MCCC2: variants seen among roughly 807,000 people sequenced by gnomAD.
The protein encoded by MCCC2 is methylcrotonoyl-CoA carboxylase beta chain, mitochondrial.
A neutral mutation model predicts 77.2 loss-of-function variants in MCCC2; 52 were observed. That is an observed-to-expected ratio of 0.67 (90% confidence interval 0.54 to 0.85). The LOEUF (loss-of-function observed/expected upper bound fraction) is 0.85, where lower values mean the gene tolerates loss of function less well. MCCC2 is among the 40% of genes least tolerant of loss of function. The pLI is 0.00. For missense variants in MCCC2, 682 were observed against 703.2 expected, an observed-to-expected ratio of 0.97 and a Z score of 0.34; for synonymous variants, 253 against 248.4, an observed-to-expected ratio of 1.02 and a Z score of -0.18.
chr5:71,646,611 C>T (rs553082423), intron 13 of MCCC2, among the ~76,000 whole-genome samples: 1 of 152,288 alleles, frequency 6.6e-6, no homozygotes, highest in South Asian at 2.1e-4. Context: ...AGCAATCTGC[C>T]CGCCTTGTTC....
intron 6 of MCCC2, among the ~76,000 whole-genome samples, chr5:71,618,465 C>A (rs1041479698): frequency 5.5e-5 from 7 of 127,812 alleles, no homozygotes; most frequent in Non-Finnish European, 9.4e-5. Context: ...TTTTTAAATT[C>A]TTTCTTTCTT....
chr5:71,629,634 G>T (rs1165168158), intron 7 of MCCC2, among the ~76,000 whole-genome samples: 3 of 152,080 alleles, frequency 2.0e-5, no homozygotes, highest in Non-Finnish European at 4.4e-5. Flanking sequence ...TCCCAAAAGA[G>T]GGTGTTAATT....
At position 71,596,273 on chromosome 5, in the gene MCCC2, A is replaced by G; in HGVS notation, c.197-7A>G. ...TCTAATCTAATCTAATCACATTTCT[A>G]TCATAGGAGGTGGTGAGAAAGCCCG... On this transcript the variant is annotated splice_region_variant and splice_polypyrimidine_tract_variant and intron_variant, in intron 2 of 16. Transcript: ENST00000340941. 6.2e-7 allele frequency: 1 copy of G among 1,612,464 alleles called. No homozygotes were observed. The highest frequency in any genetic ancestry group is 1.7e-5 in the Admixed American group (1 of 60,006).
At chr5:71,612,641 G>A (rs944465575) in intron 6 of MCCC2, among the ~76,000 whole-genome samples, 2 of 152,216 alleles carry the variant, frequency 1.3e-5, no homozygotes, top group Non-Finnish European at 2.9e-5. Flanking sequence ...ACAGGCCTGA[G>A]CCAACATGCT....
At chr5:71,618,495 T>TCCTTCTTTCCTTCCTG in intron 6 of MCCC2, among the ~76,000 whole-genome samples, 1 of 13,846 alleles carries the variant, frequency 7.2e-5, no homozygotes, top group African/African-American at 1.9e-4. Flanking sequence ...CCTTCTTCCT[T>TCCTTCTTTCCTTCCTG]CCTTCCTTCC....
At chr5:71,629,402 GTGGT>G (rs1746638099) in intron 7 of MCCC2, among the ~76,000 whole-genome samples, 1 of 152,126 alleles carries the variant, frequency 6.6e-6, no homozygotes, top group Non-Finnish European at 1.5e-5. Flanking sequence ...GAATTGGGTA[GTGGT>G]GATGGTTGCA....
intron 10 of MCCC2, among the ~76,000 whole-genome samples, chr5:71,640,565 A>G (rs890424812): frequency 6.6e-6 from 1 of 152,052 alleles, no homozygotes; most frequent in African/African-American, 2.4e-5. Context: ...TCCAGAAGTG[A>G]GAACTGAGAC....
rs277994 is a variant in MCCC2, at chr5:71,626,301, C to T, written c.625-339C>T. On this transcript the variant is annotated intron_variant, in intron 6 of 16. Coordinates refer to ENST00000340941, the MANE Select transcript of MCCC2 (RefSeq NM_022132.5). ...TATTATTATTATTAGACATAAAAGT[C>T]ATCCTTTTAATACAGTTTTGCAAAA... 0.34 allele frequency among the ~76,000 whole-genome samples: 52,231 copies of T among 151,958 alleles called. 10,049 individuals carry two copies. Among genetic ancestry groups the T allele is most frequent in the East Asian group, 0.53 (2,748 of 5,164 alleles).
At chr5:71,628,959 G>A (rs773006870) in intron 7 of MCCC2, among the ~76,000 whole-genome samples, 9 of 152,172 alleles carry the variant, frequency 5.9e-5, no homozygotes, top group South Asian at 2.1e-4. Flanking sequence ...TAATCCCAGC[G>A]CTTTGGGAGG....
chr5:71,653,850 CAA>C (rs33938603), intron 16 of MCCC2, among the ~76,000 whole-genome samples: 1,727 of 122,582 alleles, frequency 0.014, 17 homozygotes, highest in African/African-American at 0.039. Flanking sequence ...GGCCCTATCT[CAA>C]AAAAAAAAAA....
intron 6 of MCCC2, among the ~76,000 whole-genome samples, chr5:71,610,901 G>A (rs530386267): frequency 6.6e-6 from 1 of 152,282 alleles, no homozygotes; most frequent in African/African-American, 2.4e-5. Flanking sequence ...CAGGAGAAAT[G>A]CTTGAACCTG....
Position 71,658,621 on chromosome 5 carries a change from G to T in MCCC2, c.*1761G>T, listed in dbSNP as rs574005880. ...TCCATATTGTAATTGATGTCCTCTGGCCACATAGTTTTAAAATTAGGTGAT... is the reference window on the plus strand; with the variant it reads ...TCCATATTGTAATTGATGTCCTCTGTCCACATAGTTTTAAAATTAGGTGAT... On this transcript the variant is annotated 3_prime_UTR_variant, in exon 17 of 17. Transcript: ENST00000340941. The T allele has an allele frequency of 1.7e-4, 26 of 152,180 alleles. No homozygotes were observed. The highest frequency in any genetic ancestry group is 6.0e-4 in the African/African-American group (25 of 41,526). The allele number at this position is 152,180 out of a possible 1,614,324, so 9.4% of individuals were successfully genotyped here. A position where few individuals can be genotyped will look rare whatever the true frequency, so the allele number is the denominator to read the frequency against.
chr5:71,593,848 G>A (rs1008464352), intron 2 of MCCC2, among the ~76,000 whole-genome samples: 23 of 152,200 alleles, frequency 1.5e-4, no homozygotes, highest in African/African-American at 3.6e-4. Context: ...TTTACATTTA[G>A]GTTAGAGTAG....
intron 6 of MCCC2, among the ~76,000 whole-genome samples, chr5:71,614,449 T>G: frequency 6.6e-6 from 1 of 150,896 alleles, no homozygotes; most frequent in East Asian, 1.9e-4. Flanking sequence ...AGATCTAACG[T>G]GGCCAGCATA....
chr5:71,593,851 T>G (rs1206925091), intron 2 of MCCC2, among the ~76,000 whole-genome samples: 3 of 152,208 alleles, frequency 2.0e-5, no homozygotes, highest in Non-Finnish European at 4.4e-5. Context: ...ACATTTAGGT[T>G]AGAGTAGTTT....
chr5:71,645,830 C>T (rs1232678491), intron 12 of MCCC2, among the ~76,000 whole-genome samples: 5 of 152,200 alleles, frequency 3.3e-5, no homozygotes, highest in Non-Finnish European at 7.3e-5. Flanking sequence ...CCTACAGTTA[C>T]ATATCCTATT....
Position 71,635,250 on chromosome 5 carries a change from T to G in MCCC2, c.999+4T>G. On this transcript the variant is annotated splice_donor_region_variant and intron_variant, in intron 10 of 16. Coordinates refer to ENST00000340941, the MANE Select transcript of MCCC2 (RefSeq NM_022132.5). ...GAGGAGCTTTGATGTCCGAGAGGTA[T>G]GTGAAAGTGGAACTGTGAGCTTTAT... The G allele has an allele frequency of 6.2e-7, 1 of 1,613,280 alleles. No individual in the cohort carries two copies. The highest frequency in any genetic ancestry group is 8.5e-7 in the Non-Finnish European group (1 of 1,179,192).
At chr5:71,612,427 A>T (rs939653760) in intron 6 of MCCC2, among the ~76,000 whole-genome samples, 5 of 152,184 alleles carry the variant, frequency 3.3e-5, no homozygotes, top group Non-Finnish European at 1.5e-5. Flanking sequence ...TGCTTTATTT[A>T]TCTAAATAGA....
intron 1 of MCCC2, among the ~76,000 whole-genome samples, chr5:71,588,472 G>A (rs1355773946): frequency 6.6e-6 from 1 of 152,116 alleles, no homozygotes; most frequent in Non-Finnish European, 1.5e-5. Flanking sequence ...ACACACAATT[G>A]TTTGTCAGTC....
Sources: allele counts gnomAD v4.1 joint callset (sites outside exome capture counted in the v4.1 genomes callset), GRCh38; gene constraint gnomAD v4.1.1; transcripts MANE v1.5; gene names NCBI Gene and HGNC (gene_info 2026-07-23, HGNC 2026-07-21).